TBC1D19: variants seen among roughly 807,000 people sequenced by gnomAD.
The protein encoded by TBC1D19 is TBC1 domain family member 19, also known as TBC1 domain family, member 19.
TBC1D19 carries 60 observed loss-of-function variants against 89.0 expected under a neutral mutation model. That is an observed-to-expected ratio of 0.67 (90% CI 0.55 to 0.84). The LOEUF is 0.84. Among genes scored for constraint, TBC1D19 ranks in the 40% least tolerant of loss-of-function variants. The pLI, the probability that TBC1D19 is intolerant of heterozygous loss-of-function variation, is 0.00. For synonymous variants in TBC1D19, 189 were observed against 199.7 expected (o/e 0.95, Z 0.45); for missense variants, 500 against 610.8 (o/e 0.82, Z 1.91).
chr4:26,624,476 CT>C (rs1742262310), intron 4 of TBC1D19, among the ~76,000 whole-genome samples: 1 of 152,018 alleles, frequency 6.6e-6, no homozygotes, highest in Admixed American at 6.6e-5. Flanking sequence ...TCCCAAAGTG[CT>C]GGGATTACAG....
intron 13 of TBC1D19, among the ~76,000 whole-genome samples, chr4:26,710,890 G>T (rs1448444657): frequency 6.6e-6 from 1 of 152,040 alleles, no homozygotes; most frequent in African/African-American, 2.4e-5. Flanking sequence ...GTTTTTTCTT[G>T]TAAGTTTGTT....
At chr4:26,642,603 C>T (rs1743622560) in intron 7 of TBC1D19, among the ~76,000 whole-genome samples, 1 of 152,164 alleles carries the variant, frequency 6.6e-6, no homozygotes. Flanking sequence ...TGTCAATGGG[C>T]TAAATTCCCC....
At chr4:26,690,707 A>G (rs539113370) in intron 13 of TBC1D19, among the ~76,000 whole-genome samples, 1 of 152,314 alleles carries the variant, frequency 6.6e-6, no homozygotes, top group South Asian at 2.1e-4. Context: ...TACTATTCAG[A>G]AAAAAACATT....
chr4:26,618,772 T>C (rs1741850565), intron 3 of TBC1D19, among the ~76,000 whole-genome samples: 1 of 152,214 alleles, frequency 6.6e-6, no homozygotes, highest in African/African-American at 2.4e-5. Context: ...GAAAACAGTC[T>C]GGAAGCGCTT....
chr4:26,628,026 C>T (rs1212066053), intron 4 of TBC1D19, among the ~76,000 whole-genome samples: 3 of 152,088 alleles, frequency 2.0e-5, no homozygotes, highest in African/African-American at 4.8e-5. Context: ...TTAGGTCTAA[C>T]GTTTAAGTCT....
chr4:26,835,584 G>T, the TBC1D19 span, among the ~76,000 whole-genome samples: 9 of 152,048 alleles, frequency 5.9e-5, no homozygotes, highest in Admixed American at 3.9e-4. Context: ...CGTTTCCCAG[G>T]TGCACACATC....
At chr4:26,731,569 T>G (rs1377823394) in intron 15 of TBC1D19, among the ~76,000 whole-genome samples, 1 of 152,080 alleles carries the variant, frequency 6.6e-6, no homozygotes, top group Non-Finnish European at 1.5e-5. Context: ...GATACTGGGC[T>G]TTTAAGGTTG....
chr4:26,663,405 A>G (rs112121867), intron 8 of TBC1D19, among the ~76,000 whole-genome samples: 2 of 152,332 alleles, frequency 1.3e-5, no homozygotes, highest in African/African-American at 4.8e-5. Context: ...TAAAATCAAT[A>G]GATGATATCT....
chr4:26,641,555 AC>A (rs1351819486), intron 7 of TBC1D19, among the ~76,000 whole-genome samples: 1 of 152,228 alleles, frequency 6.6e-6, no homozygotes, highest in Non-Finnish European at 1.5e-5. Context: ...CAGCAGTGGA[AC>A]AAAGCAGGAC....
chr4:26,730,879 C>A (rs1486221131), intron 15 of TBC1D19, among the ~76,000 whole-genome samples: 2 of 152,194 alleles, frequency 1.3e-5, no homozygotes, highest in Non-Finnish European at 2.9e-5. Context: ...AACATGCAGG[C>A]TCTGGAAGCT....
intron 5 of TBC1D19, 93 bp downstream of exon 5, chr4:26,637,378 A>G (rs945149885): frequency 1.9e-6 from 2 of 1,046,590 alleles, no homozygotes; most frequent in African/African-American, 3.3e-5. Context: ...ACATTTATTT[A>G]TTTATTTATT....
At chr4:26,829,874 G>A in the TBC1D19 span, among the ~76,000 whole-genome samples, 17 of 152,292 alleles carry the variant, frequency 1.1e-4, no homozygotes, top group African/African-American at 2.9e-4. Context: ...AGTAAGCAAC[G>A]TAAACTGATA....
At chr4:26,632,632 G>A (rs1742872593) in intron 4 of TBC1D19, among the ~76,000 whole-genome samples, 1 of 151,916 alleles carries the variant, frequency 6.6e-6, no homozygotes, top group Non-Finnish European at 1.5e-5. Context: ...GGCACACTTG[G>A]TGCAGTTTTA....
At chr4:26,796,925 A>C in the TBC1D19 span, among the ~76,000 whole-genome samples, 1 of 152,202 alleles carries the variant, frequency 6.6e-6, no homozygotes, top group Non-Finnish European at 1.5e-5. Context: ...GATGGTTGTA[A>C]AACTATCAAC....
the TBC1D19 span, among the ~76,000 whole-genome samples, chr4:26,852,407 A>T: frequency 6.6e-6 from 1 of 151,970 alleles, no homozygotes; most frequent in African/African-American, 2.4e-5. Flanking sequence ...AAATACAAAA[A>T]TTAGCTGGGT....
chr4:26,839,022 C>A, the TBC1D19 span, among the ~76,000 whole-genome samples: 1 of 152,138 alleles, frequency 6.6e-6, no homozygotes, highest in Non-Finnish European at 1.5e-5. Flanking sequence ...TTTTAAGATT[C>A]GTTTATTCAA....
chr4:26,833,681 T>TGCCA, the TBC1D19 span, among the ~76,000 whole-genome samples: 1 of 152,240 alleles, frequency 6.6e-6, no homozygotes, highest in Non-Finnish European at 1.5e-5. Context: ...ATAATGGAAC[T>TGCCA]TGTGCAGGTT....
At chr4:26,846,125 A>G in the TBC1D19 span, among the ~76,000 whole-genome samples, 1 of 151,854 alleles carries the variant, frequency 6.6e-6, no homozygotes, top group East Asian at 1.9e-4. Context: ...CATCGTGTAT[A>G]TATCTAAATC....
At chr4:26,669,753 C>G (rs1258425861) in intron 9 of TBC1D19, among the ~76,000 whole-genome samples, 1 of 151,824 alleles carries the variant, frequency 6.6e-6, no homozygotes, top group Non-Finnish European at 1.5e-5. Flanking sequence ...GATTATTCAA[C>G]TATTCTTTAT....
Sources: gnomAD v4.1 joint callset for allele counts (sites outside exome capture counted in the v4.1 genomes callset) on GRCh38, gnomAD v4.1.1 for gene constraint, MANE v1.5 for transcripts, NCBI Gene and HGNC (gene_info 2026-07-23, HGNC 2026-07-21) for gene names.